The following IL16 variants were observed in gnomAD, a reference collection of about 807,000 sequenced individuals.
The protein encoded by IL16 is pro-interleukin-16.
A neutral mutation model predicts 110.1 loss-of-function variants in IL16; 67 were observed. That is an observed-to-expected ratio of 0.61 (90% confidence interval 0.50 to 0.75). The LOEUF (loss-of-function observed/expected upper bound fraction) is 0.75, where lower values mean the gene tolerates loss of function less well. Ranked by LOEUF, IL16 falls within the 30% of genes least tolerant of loss-of-function variation. The pLI, the probability that IL16 is intolerant of heterozygous loss-of-function variation, is 0.00. For missense variants in IL16, 1,545 were observed against 1,655.0 expected, an observed-to-expected ratio of 0.93 and a Z score of 1.15; for synonymous variants, 689 against 662.9, an observed-to-expected ratio of 1.04 and a Z score of -0.61.
chr15:81,279,479 G>A (rs1358359101), intron 7 of IL16, 79 bp from the exon 8 acceptor site: 1 of 900,524 alleles, frequency 1.1e-6, no homozygotes, highest in East Asian at 2.6e-5. Flanking sequence ...CACACACAGA[G>A]GTGTGTTTCC....
intron 6 of IL16, among the ~76,000 whole-genome samples, chr15:81,275,118 T>C (rs1198364504): frequency 6.6e-6 from 1 of 151,204 alleles, no homozygotes; most frequent in Non-Finnish European, 1.5e-5. Context: ...GAGAAAGACA[T>C]TGCCTTATAT....
chr15:81,232,042 G>GTTTTTTTTTTTTTTTTTTT, intron 2 of IL16, among the ~76,000 whole-genome samples: 2 of 57,694 alleles, frequency 3.5e-5, no homozygotes, highest in South Asian at 5.7e-4. Context: ...ATTTGTTCTT[G>GTTTTTTTTTTTTTTTTTTT]TTTTTTTTTT....
intron 2 of IL16, among the ~76,000 whole-genome samples, chr15:81,241,506 T>C (rs1474408841): frequency 6.6e-6 from 1 of 152,150 alleles, no homozygotes; most frequent in East Asian, 1.9e-4. Flanking sequence ...ATATCTTTCA[T>C]TAGATTAGTT....
intron 10 of IL16, among the ~76,000 whole-genome samples, chr15:81,286,700 A>G (rs1899466341): frequency 6.6e-6 from 1 of 152,182 alleles, no homozygotes; most frequent in East Asian, 1.9e-4. Flanking sequence ...AGAGGAAGGA[A>G]GCTGATGGTG....
At chr15:81,289,944 A>T (rs1489422008) in intron 10 of IL16, 1 of 453,778 alleles carries the variant, frequency 2.2e-6, no homozygotes, top group Admixed American at 2.4e-5. Context: ...TAACTTGTCT[A>T]GGTGTTCACA....
At position 81,269,246 on chromosome 15, in the gene IL16, A is replaced by G. The variant is rs570740920; in HGVS notation, c.565-292A>G. Among the ~76,000 whole-genome samples the G allele has an allele frequency of 3.3e-4, 51 of 152,348 alleles. 1 individual carries two copies. The South Asian group carries it at 6.2e-3, about 19-fold the overall frequency. ...GCTTATGAGGACTTGTCCTGGAGGC[A>G]GCGTGTTCTGTGATGTTAACCTGGG... is the stretch of plus-strand genomic sequence containing the variant. On this transcript the variant is annotated intron_variant, in intron 4 of 18. Transcript: ENST00000683961.
chr15:81,213,464 C>T (rs1896319411), intron 1 of IL16, among the ~76,000 whole-genome samples: 1 of 152,158 alleles, frequency 6.6e-6, no homozygotes, highest in Admixed American at 6.5e-5. Context: ...CCTTGATGAT[C>T]TGTCTAACAT....
chr15:81,221,981 T>C (rs563137863), intron 1 of IL16, among the ~76,000 whole-genome samples: 4 of 152,332 alleles, frequency 2.6e-5, no homozygotes, highest in Non-Finnish European at 4.4e-5. Context: ...ATTCCACCAC[T>C]GAGTGAAGCA....
chr15:81,273,322 C>A, intron 6 of IL16, 118 bp downstream of exon 6: 1 of 650,926 alleles, frequency 1.5e-6, no homozygotes, highest in Non-Finnish European at 2.6e-6. Context: ...CAGGATACGG[C>A]CAGCATGCAT....
At chr15:81,209,243 G>A (rs202015448) in intron 1 of IL16, among the ~76,000 whole-genome samples, 1 of 152,116 alleles carries the variant, frequency 6.6e-6, no homozygotes, top group Admixed American at 6.6e-5. Context: ...GACATGTCAG[G>A]GAAATCATGG....
At chr15:81,279,469 C>T in intron 7 of IL16, 89 bp from the exon 8 acceptor site, 1 of 820,374 alleles carries the variant, frequency 1.2e-6, no homozygotes, top group African/African-American at 1.7e-5. Context: ...TACACATACA[C>T]ACACACAGAG....
At position 81,301,336 on chromosome 15, in the gene IL16, T is replaced by A; in HGVS notation, c.3150-8T>A. ...GTTCATACTGTGTGTTGTTTCTCCT[T>A]ATGAAAGCCTTTCAGAGCTGAGAGA... is the stretch of plus-strand genomic sequence containing the variant. On this transcript the variant is annotated splice_region_variant and splice_polypyrimidine_tract_variant and intron_variant, in intron 14 of 18. Coordinates refer to ENST00000683961, the MANE Select transcript of IL16 (RefSeq NM_172217.5). The A allele has an allele frequency of 1.9e-6, 3 of 1,593,592 alleles. No individual in the cohort carries two copies. Among genetic ancestry groups the A allele is most frequent in the Non-Finnish European group, 1.7e-6 (2 of 1,174,058 alleles).
In IL16 at chr15:81,267,701, A is replaced by G. The variant is rs557158365; in HGVS notation, c.565-1837A>G. Among the ~76,000 whole-genome samples, 4 of 152,334 alleles carry G rather than the reference A, an allele frequency of 2.6e-5. No homozygotes were observed. In the East Asian group the frequency reaches 7.7e-4, roughly 29 times the overall value. ...TTCCCATCCAAAGGCCAGCAGGCTC[A>G]AGCCCAGGAAGGGCTGATTTTTCAG... On this transcript the variant is annotated intron_variant, in intron 4 of 18. Coordinates refer to ENST00000683961, the MANE Select transcript of IL16 (RefSeq NM_172217.5).
intron 1 of IL16, among the ~76,000 whole-genome samples, chr15:81,199,635 C>T (rs1419248249): frequency 6.6e-6 from 1 of 152,168 alleles, no homozygotes; most frequent in Non-Finnish European, 1.5e-5. Context: ...ACATGGCTAC[C>T]TTGCTCAGCC....
intron 15 of IL16, 118 bp downstream of exon 15, chr15:81,301,630 C>A: frequency 1.2e-6 from 1 of 812,592 alleles, no homozygotes; most frequent in South Asian, 1.7e-5. Context: ...ACCCAGGTTG[C>A]GTCCTGTGAT....
At chr15:81,233,653 G>A (rs1366344195) in intron 2 of IL16, among the ~76,000 whole-genome samples, 2 of 151,958 alleles carry the variant, frequency 1.3e-5, no homozygotes, top group Non-Finnish European at 1.5e-5. Flanking sequence ...CTGTGTATGT[G>A]TATGCATATA....
chr15:81,234,254 A>T (rs1452055594), intron 2 of IL16, among the ~76,000 whole-genome samples: 1 of 152,042 alleles, frequency 6.6e-6, no homozygotes, highest in African/African-American at 2.4e-5. Flanking sequence ...TTTACATTTA[A>T]TATCATTTCA....
intron 2 of IL16, among the ~76,000 whole-genome samples, chr15:81,226,141 T>C (rs903845045): frequency 6.6e-6 from 1 of 152,102 alleles, no homozygotes; most frequent in Middle Eastern, 3.4e-3. Flanking sequence ...AGGTAAGGGG[T>C]GCCGGATGAG....
At chr15:81,185,942 A>T (rs1386940589) in intron 1 of IL16, among the ~76,000 whole-genome samples, 1 of 152,254 alleles carries the variant, frequency 6.6e-6, no homozygotes, top group Non-Finnish European at 1.5e-5. Context: ...TTTTAAGTGT[A>T]CATCCATCCA....
Sources: allele counts gnomAD v4.1 joint callset (sites outside exome capture counted in the v4.1 genomes callset), GRCh38; gene constraint gnomAD v4.1.1; transcripts MANE v1.5; gene names NCBI Gene and HGNC (gene_info 2026-07-23, HGNC 2026-07-21).